Variants in CYFIP1 observed in about 807,000 individuals in gnomAD.
CYFIP1 encodes the protein cytoplasmic FMR1-interacting protein 1.
Under a neutral mutation model 163.5 loss-of-function variants are expected in CYFIP1, and 58 were observed. That is an observed-to-expected ratio of 0.35 (90% CI 0.29 to 0.44). CYFIP1 has a LOEUF of 0.44. Ranked by LOEUF, CYFIP1 falls within the 20% of genes least tolerant of loss-of-function variation. The probability of loss-of-function intolerance (pLI) is 1.00; values close to 1 mark genes in which losing one functional copy is unlikely to be tolerated. For missense variants in CYFIP1, 1,338 were observed against 1,653.8 expected, an observed-to-expected ratio of 0.81 and a Z score of 3.31; for synonymous variants, 663 against 660.7, an observed-to-expected ratio of 1.00 and a Z score of -0.05.
chr15:22,871,097 C>CT (rs965415427), intron 30 of CYFIP1, among the ~76,000 whole-genome samples: 7 of 152,120 alleles, frequency 4.6e-5, no homozygotes, highest in Non-Finnish European at 1.0e-4. Context: ...TCCAATTCGG[C>CT]TAAAGCGGCC....
chr15:22,927,644 A>T (rs1188828515), intron 12 of CYFIP1, among the ~76,000 whole-genome samples: 2 of 152,084 alleles, frequency 1.3e-5, no homozygotes, highest in Non-Finnish European at 2.9e-5. Context: ...CGACAGGGTG[A>T]GACTATCTCA....
At position 22,973,538 on chromosome 15, in the gene CYFIP1, G is replaced by A. The variant is rs528989254; in HGVS notation, c.-7+6749C>T. Reference sequence around the variant, plus strand: ...CCAACATCTTCCTCTCTCCCCTTCCGCCAGCCACCCCAGCCTCTGGTAACC... The same window carrying A: ...CCAACATCTTCCTCTCTCCCCTTCCACCAGCCACCCCAGCCTCTGGTAACC... On this transcript the variant is annotated intron_variant, in intron 1 of 30. Coordinates refer to ENST00000617928, the MANE Select transcript of CYFIP1 (RefSeq NM_014608.6). Among the ~76,000 whole-genome samples the A allele has an allele frequency of 2.1e-4, 32 of 151,920 alleles. 1 individual carries two copies. The highest frequency in any genetic ancestry group is 1.7e-3 in the South Asian group (8 of 4,806).
At chr15:22,959,245 C>T (rs1190475554) in intron 1 of CYFIP1, among the ~76,000 whole-genome samples, 4 of 152,162 alleles carry the variant, frequency 2.6e-5, no homozygotes, top group Admixed American at 6.5e-5. Context: ...TGCTCCTCGA[C>T]GACGGCCATT....
intron 21 of CYFIP1, among the ~76,000 whole-genome samples, chr15:22,906,836 G>A (rs2060602957): frequency 6.6e-6 from 1 of 152,174 alleles, no homozygotes; most frequent in Non-Finnish European, 1.5e-5. Flanking sequence ...TGGTCCGTGG[G>A]TGTCTGTCTG....
At chr15:22,875,879 G>A (rs2059569318) in intron 26 of CYFIP1, among the ~76,000 whole-genome samples, 1 of 56,596 alleles carries the variant, frequency 1.8e-5, no homozygotes, top group African/African-American at 8.0e-5. Flanking sequence ...CCGTTCTCCA[G>A]AATAACATAT....
chr15:22,965,813 G>A (rs537814717), intron 1 of CYFIP1, among the ~76,000 whole-genome samples: 1 of 152,246 alleles, frequency 6.6e-6, no homozygotes, highest in East Asian at 1.9e-4. Context: ...GGAGTCCATG[G>A]CTCTGAGAGT....
intron 30 of CYFIP1, among the ~76,000 whole-genome samples, chr15:22,872,153 G>A (rs1281914633): frequency 6.6e-6 from 1 of 151,860 alleles, no homozygotes; most frequent in Non-Finnish European, 1.5e-5. Flanking sequence ...AAATCAGCCG[G>A]GCGTGGTGGC....
In CYFIP1 at chr15:22,903,680, G is replaced by C. The variant is rs893813794; in HGVS notation, c.2588+26C>G. On this transcript the variant is annotated intron_variant, in intron 22 of 30. Coordinates refer to ENST00000617928, the MANE Select transcript of CYFIP1 (RefSeq NM_014608.6). ...TGGGTCCCTGAGCGCCTCGCCTGTG[G>C]GCGCCTGTGTGGCGGGCACGCTCAC... 6 of 1,612,702 alleles carry C rather than the reference G, an allele frequency of 3.7e-6. No homozygotes were observed. The East Asian group carries it at 1.3e-4, about 36-fold the overall frequency.
intron 11 of CYFIP1, among the ~76,000 whole-genome samples, chr15:22,930,725 GTA>G (rs2061511381): frequency 6.6e-6 from 1 of 152,162 alleles, no homozygotes. Flanking sequence ...TTTTGCACAG[GTA>G]TAGAGTGTGT....
intron 1 of CYFIP1, among the ~76,000 whole-genome samples, chr15:22,971,007 C>T (rs951057779): frequency 1.8e-4 from 28 of 151,942 alleles, no homozygotes; most frequent in African/African-American, 4.8e-5. Context: ...ACCCGGGAGG[C>T]GGAGCTTGCA....
At chr15:22,942,679 C>G (rs1472976317) in intron 6 of CYFIP1, among the ~76,000 whole-genome samples, 1 of 152,132 alleles carries the variant, frequency 6.6e-6, no homozygotes, top group Non-Finnish European at 1.5e-5. Context: ...CGCAGTGTGA[C>G]CACGAGACAC....
chr15:22,958,661 C>G (rs563398652), intron 1 of CYFIP1, among the ~76,000 whole-genome samples: 1 of 152,124 alleles, frequency 6.6e-6, no homozygotes, highest in East Asian at 1.9e-4. Flanking sequence ...CTCCTAACAT[C>G]GCCCTCCCCC....
intron 23 of CYFIP1, among the ~76,000 whole-genome samples, chr15:22,888,568 C>CA (rs1224373044): frequency 2.0e-5 from 3 of 151,628 alleles, no homozygotes; most frequent in Non-Finnish European, 4.4e-5. Flanking sequence ...CCCATCTCTA[C>CA]AAAAAACACA....
Position 22,976,805 on chromosome 15 carries a change from A to C in CYFIP1, c.-7+3482T>G, listed in dbSNP as rs527765584. Among the ~76,000 whole-genome samples, 19 of 152,332 alleles carry C rather than the reference A, an allele frequency of 1.2e-4. No homozygotes were observed. In the South Asian group the frequency reaches 3.7e-3, roughly 30 times the overall value. On this transcript the variant is annotated intron_variant, in intron 1 of 30. Transcript: ENST00000617928. Reference sequence around the variant, plus strand: ...AGGCTTCCATTGGAACGTATCGTCCATGGATAACAAGGACTGTTGTAAACA... The same window carrying C: ...AGGCTTCCATTGGAACGTATCGTCCCTGGATAACAAGGACTGTTGTAAACA...
intron 13 of CYFIP1, among the ~76,000 whole-genome samples, chr15:22,921,744 C>T (rs1478072776): frequency 1.7e-5 from 2 of 117,900 alleles, no homozygotes; most frequent in South Asian, 5.4e-4. Flanking sequence ...CTAGCCTGGG[C>T]AACACGCGAG....
At chr15:22,937,702 G>C (rs141956143) in intron 8 of CYFIP1, among the ~76,000 whole-genome samples, 1 of 150,826 alleles carries the variant, frequency 6.6e-6, no homozygotes, top group Admixed American at 6.7e-5. Flanking sequence ...AGGTTCAAGC[G>C]ATTCTCCTGC....
chr15:22,923,942 CAAAAAAAAAAAAAAAAA>C (rs916058496), intron 13 of CYFIP1, among the ~76,000 whole-genome samples: 1 of 61,816 alleles, frequency 1.6e-5, no homozygotes, highest in Non-Finnish European at 2.8e-5. Flanking sequence ...ACCTTGTCTC[CAAAAAAAAAAAAAAAAA>C]AAAAAACAAG....
At chr15:22,928,417 AAATAAATAAATAAAT>A in intron 11 of CYFIP1, among the ~76,000 whole-genome samples, 1 of 151,312 alleles carries the variant, frequency 6.6e-6, no homozygotes, top group Non-Finnish European at 1.5e-5. Flanking sequence ...ATAAATAAAT[AAATAAATAAATAAAT>A]AAAAAGAAAA....
chr15:22,968,668 T>C (rs1382056757), intron 1 of CYFIP1, among the ~76,000 whole-genome samples: 1 of 152,206 alleles, frequency 6.6e-6, no homozygotes, highest in East Asian at 1.9e-4. Context: ...AACTTGTGCA[T>C]ATGAAAACCT....
Sources: gnomAD v4.1 joint callset for allele counts (sites outside exome capture counted in the v4.1 genomes callset) on GRCh38, gnomAD v4.1.1 for gene constraint, MANE v1.5 for transcripts, NCBI Gene and HGNC (gene_info 2026-07-23, HGNC 2026-07-21) for gene names.